The following ALK variants were observed in gnomAD, a reference collection of about 807,000 sequenced individuals.
ALK encodes ALK tyrosine kinase receptor.
In ALK, 74 loss-of-function variants were observed where a neutral mutation model predicts 163.1. That is an observed-to-expected ratio of 0.45 (90% CI 0.38 to 0.55). The LOEUF (loss-of-function observed/expected upper bound fraction) is 0.55. ALK is among the 20% of genes least tolerant of loss of function. The pLI is 0.00. For missense variants in ALK, 2,063 were observed against 2,105.3 expected, an observed-to-expected ratio of 0.98 and a Z score of 0.39; for synonymous variants, 960 against 843.2, an observed-to-expected ratio of 1.14 and a Z score of -2.40.
chr2:29,504,709 C>G (rs1032541861), intron 4 of ALK, among the ~76,000 whole-genome samples: 1 of 152,072 alleles, frequency 6.6e-6, no homozygotes, highest in African/African-American at 2.4e-5. Context: ...TGAGAGAGAC[C>G]TCGAGGCTCA....
At chr2:29,470,968 T>C (rs1349520922) in intron 4 of ALK, among the ~76,000 whole-genome samples, 1 of 152,204 alleles carries the variant, frequency 6.6e-6, no homozygotes, top group African/African-American at 2.4e-5. Context: ...GGTTCTTGCC[T>C]TGTTCAGGAG....
chr2:29,653,889 C>G (rs1573530577), intron 3 of ALK, among the ~76,000 whole-genome samples: 2 of 152,116 alleles, frequency 1.3e-5, no homozygotes, highest in Admixed American at 6.6e-5. Flanking sequence ...TGGCAAAACC[C>G]TATCCCTACT....
chr2:29,535,905 C>T (rs188502851), intron 3 of ALK, among the ~76,000 whole-genome samples: 103 of 152,278 alleles, frequency 6.8e-4, no homozygotes, highest in Non-Finnish European at 1.2e-3. Flanking sequence ...CAGTTTTAAT[C>T]GATTGGCCAA....
intron 4 of ALK, among the ~76,000 whole-genome samples, chr2:29,435,827 G>T (rs1036795098): frequency 1.3e-5 from 2 of 152,014 alleles, no homozygotes; most frequent in Non-Finnish European, 2.9e-5. Flanking sequence ...TGTTAACTAC[G>T]TAATTTTCCA....
At chr2:29,391,377 C>T (rs1669168106) in intron 4 of ALK, among the ~76,000 whole-genome samples, 1 of 151,590 alleles carries the variant, frequency 6.6e-6, no homozygotes, top group South Asian at 2.1e-4. Context: ...TCTTGGCTCA[C>T]TGCAACGTCC....
chr2:29,776,669 T>A (rs1388708830), intron 1 of ALK, among the ~76,000 whole-genome samples: 1 of 152,184 alleles, frequency 6.6e-6, no homozygotes, highest in African/African-American at 2.4e-5. Context: ...TGGTGGCTTA[T>A]GCCTGTAATC....
chr2:29,517,047 C>T (rs1672688660), intron 4 of ALK, among the ~76,000 whole-genome samples: 1 of 119,676 alleles, frequency 8.4e-6, no homozygotes, highest in African/African-American at 2.6e-5. Context: ...TTGAATACTT[C>T]TTCTGTGTCA....
At chr2:29,515,435 G>A (rs1277114462) in intron 4 of ALK, among the ~76,000 whole-genome samples, 2 of 152,116 alleles carry the variant, frequency 1.3e-5, no homozygotes, top group African/African-American at 4.8e-5. Flanking sequence ...CATAATAGAG[G>A]AATTCGTATT....
At chr2:29,207,123 C>T (rs2148151790) in intron 26 of ALK, 48 bp downstream of exon 26, 1 of 1,486,754 alleles carries the variant, frequency 6.7e-7, no homozygotes. Context: ...GGCCCAGGAG[C>T]ACCACCTTAT....
intron 4 of ALK, among the ~76,000 whole-genome samples, chr2:29,523,891 TA>T (rs1672884058): frequency 1.7e-4 from 19 of 112,998 alleles, no homozygotes; most frequent in African/African-American, 4.7e-4. Context: ...TTTTTTTTTT[TA>T]TGCCCATCAA....
At chr2:29,570,525 G>T (rs1248452162) in intron 3 of ALK, among the ~76,000 whole-genome samples, 1 of 152,168 alleles carries the variant, frequency 6.6e-6, no homozygotes, top group African/African-American at 2.4e-5. Flanking sequence ...GGATTGTAAA[G>T]GTCAAACAGC....
chr2:29,608,937 T>C (rs888741307), intron 3 of ALK, among the ~76,000 whole-genome samples: 5 of 152,164 alleles, frequency 3.3e-5, no homozygotes, highest in Non-Finnish European at 7.3e-5. Flanking sequence ...TGTTTTGTTT[T>C]GTTTTGAGAC....
At chr2:29,758,588 T>G (rs567509679) in intron 1 of ALK, among the ~76,000 whole-genome samples, 1 of 152,292 alleles carries the variant, frequency 6.6e-6, no homozygotes, top group African/African-American at 2.4e-5. Context: ...CCTTTCTGCA[T>G]TGAATACAGG....
chr2:29,658,805 C>T (rs1054651057), intron 3 of ALK, among the ~76,000 whole-genome samples: 12 of 152,124 alleles, frequency 7.9e-5, no homozygotes, highest in African/African-American at 2.4e-4. Context: ...ATATTTATTA[C>T]ATACTCACCC....
chr2:29,512,098 T>C (rs1219539706), intron 4 of ALK, among the ~76,000 whole-genome samples: 1 of 152,230 alleles, frequency 6.6e-6, no homozygotes, highest in Non-Finnish European at 1.5e-5. Context: ...TTATAGTTTA[T>C]GCTTTTTGTA....
At chr2:29,456,500 T>G (rs1015051322) in intron 4 of ALK, among the ~76,000 whole-genome samples, 1 of 152,124 alleles carries the variant, frequency 6.6e-6, no homozygotes, top group Non-Finnish European at 1.5e-5. Flanking sequence ...ACATGAGGTA[T>G]GTAGAGTAGT....
At chr2:29,802,384 G>C (rs1284940235) in intron 1 of ALK, among the ~76,000 whole-genome samples, 2 of 96 alleles carry the variant, frequency 0.021, no homozygotes, top group Non-Finnish European at 0.045. Context: ...GAGGGGAGGG[G>C]AGGGGAGGGC....
At position 29,214,072 on chromosome 2, in the gene ALK, A is replaced by T. The variant is rs2148159565; in HGVS notation, c.3655T>A (p.Ser1219Thr). 6.2e-7 allele frequency: 1 copy of T among 1,613,922 alleles called. No individual in the cohort carries two copies. Residue 1219 changes from serine to threonine, a missense_variant, in exon 24 of 29, where the codon TCC (serine) becomes ACC (threonine). This residue lies in a region of ALK where 575 missense variants were observed against 626.6 expected (regional missense o/e 0.92). Coordinates refer to ENST00000389048, the MANE Select transcript of ALK (RefSeq NM_004304.5). ...AGAAGGTCCAGCATGGCCAGGGAGG[A>T]GGGCTGGCTCTGTGGGGAGACAGAA... Reference protein sequence around the residue: ...RETRPRPSQPSSLAMLDLLHV... With the variant: ...RETRPRPSQPTSLAMLDLLHV...
chr2:29,410,244 A>T (rs557279171), intron 4 of ALK, among the ~76,000 whole-genome samples: 3 of 151,802 alleles, frequency 2.0e-5, no homozygotes, highest in Non-Finnish European at 4.4e-5. Context: ...ATTCAAAGTC[A>T]CTCCTCTGCT....
Sources: gnomAD v4.1 joint callset for allele counts (sites outside exome capture counted in the v4.1 genomes callset) on GRCh38, gnomAD v4.1.1 for gene constraint, gnomAD v4.1.1 regional missense constraint, MANE v1.5 for transcripts, NCBI Gene and HGNC (gene_info 2026-07-23, HGNC 2026-07-21) for gene names.